The following MEGF11 variants were observed in gnomAD, a reference collection of about 807,000 sequenced individuals.
MEGF11 encodes multiple epidermal growth factor-like domains protein 11.
Under a neutral mutation model 146.6 loss-of-function variants are expected in MEGF11, and 126 were observed. The ratio of observed to expected loss-of-function variants is 0.86; its 90% CI spans 0.74 to 1.00. The LOEUF (loss-of-function observed/expected upper bound fraction) is 1.00, where lower values mean the gene tolerates loss of function less well. Ranked by LOEUF, MEGF11 falls within the 50% of genes least tolerant of loss-of-function variation. The probability of loss-of-function intolerance (pLI) is 0.00; values close to 1 mark genes in which losing one functional copy is unlikely to be tolerated. For synonymous variants in MEGF11, 532 were observed against 583.4 expected, an observed-to-expected ratio of 0.91 and a Z score of 1.27; for missense variants, 1,509 against 1,521.2, an observed-to-expected ratio of 0.99 and a Z score of 0.13.
chr15:65,957,768 A>G, intron 9 of MEGF11, 47 bp from the exon 10 acceptor site: 1 of 1,593,442 alleles, frequency 6.3e-7, no homozygotes, highest in East Asian at 2.2e-5. Flanking sequence ...TCTGGGAAGC[A>G]GCCATGTCCC....
intron 1 of MEGF11, among the ~76,000 whole-genome samples, chr15:66,170,120 C>T (rs544200679): frequency 1.3e-5 from 2 of 152,244 alleles, no homozygotes; most frequent in East Asian, 3.9e-4. Context: ...GACAGAATAA[C>T]CTCTTCTCTA....
At chr15:65,975,393 C>T (rs941735959) in intron 7 of MEGF11, among the ~76,000 whole-genome samples, 20 of 152,290 alleles carry the variant, frequency 1.3e-4, no homozygotes, top group African/African-American at 3.8e-4. Flanking sequence ...TCCGGCATTC[C>T]CTAGGGAAAT....
At chr15:66,097,104 A>G (rs147037715) in intron 4 of MEGF11, among the ~76,000 whole-genome samples, 51 of 152,190 alleles carry the variant, frequency 3.4e-4, no homozygotes, top group African/African-American at 1.1e-3. Flanking sequence ...TCCTTTCCTC[A>G]TCGTCCTGGT....
chr15:65,999,197 A>ATT lies in MEGF11; in HGVS notation c.395-16711_395-16710dup, dbSNP rs557434571. Reference sequence around the variant, plus strand: ...CAGGCACATACCACCATGACCGGCTATTTTTTTTTAATTGTAGAGATGGGG... The same window carrying ATT: ...CAGGCACATACCACCATGACCGGCTATTTTTTTTTTTAATTGTAGAGATGGGG... On this transcript the variant is annotated intron_variant, in intron 5 of 25. Coordinates refer to ENST00000395614, the MANE Select transcript of MEGF11 (RefSeq NM_001385028.1). Among the ~76,000 whole-genome samples the ATT allele has an allele frequency of 1.7e-3, 253 of 150,392 alleles. 1 individual carries two copies. Among genetic ancestry groups the ATT allele is most frequent in the Non-Finnish European group, 3.0e-3 (201 of 67,458 alleles).
chr15:65,908,319 G>A (rs1259164410), intron 23 of MEGF11, among the ~76,000 whole-genome samples: 1 of 152,158 alleles, frequency 6.6e-6, no homozygotes, highest in Non-Finnish European at 1.5e-5. Flanking sequence ...CCAAGGCCCT[G>A]CCCCAGGGTG....
At chr15:66,233,154 A>C (rs1182391529) in intron 1 of MEGF11, among the ~76,000 whole-genome samples, 1 of 152,208 alleles carries the variant, frequency 6.6e-6, no homozygotes, top group Non-Finnish European at 1.5e-5. Flanking sequence ...AGCATAGAGC[A>C]TACTATGTGC....
intron 7 of MEGF11, among the ~76,000 whole-genome samples, chr15:65,975,688 C>T (rs2081422185): frequency 6.6e-6 from 1 of 152,180 alleles, no homozygotes; most frequent in Non-Finnish European, 1.5e-5. Flanking sequence ...TTAATTTTCT[C>T]ATCTATAAAA....
At chr15:66,034,621 TG>T (rs2083656730) in intron 5 of MEGF11, among the ~76,000 whole-genome samples, 1 of 152,124 alleles carries the variant, frequency 6.6e-6, no homozygotes, top group South Asian at 2.1e-4. Flanking sequence ...GGTCTTACCA[TG>T]TTGCCCAGGA....
chr15:66,196,919 TTCTTTAAGGCAGATGTACCTCGTTTATA>T (rs1374706196), intron 1 of MEGF11, among the ~76,000 whole-genome samples: 2 of 152,206 alleles, frequency 1.3e-5, no homozygotes, highest in Non-Finnish European at 2.9e-5. Context: ...ATCTGTAGAA[TTCTTTAAGGCAGATGTACCTCGTTTATA>T]TGAGTGTCTA....
At position 65,895,552 on chromosome 15, in the gene MEGF11, C is replaced by G. The variant is rs2078344528; in HGVS notation, c.*2382G>C. 6.6e-6 allele frequency: 1 copy of G among 152,572 alleles called. No homozygotes were observed. The highest frequency in any genetic ancestry group is 2.1e-4 in the South Asian group (1 of 4,824). The allele number at this position is 152,572 out of a possible 1,614,324, so 9.5% of individuals were successfully genotyped here. Reference sequence around the variant, plus strand: ...GCACAGTATACATGTTTAGGCTGACCATGAACCTATTTGTGATGGTGTTAG... The same window carrying G: ...GCACAGTATACATGTTTAGGCTGACGATGAACCTATTTGTGATGGTGTTAG... On this transcript the variant is annotated 3_prime_UTR_variant, in exon 26 of 26. Coordinates refer to ENST00000395614, the MANE Select transcript of MEGF11 (RefSeq NM_001385028.1).
Position 66,083,037 on chromosome 15 carries a change from T to G in MEGF11, c.394+11365A>C, listed in dbSNP as rs571927286. Reference sequence around the variant, plus strand: ...GTCCTGGGCTACCAGGCTGTGGTGTTGCCATTTTCATGAGAGTGTGTCCAG... The same window carrying G: ...GTCCTGGGCTACCAGGCTGTGGTGTGGCCATTTTCATGAGAGTGTGTCCAG... On this transcript the variant is annotated intron_variant, in intron 5 of 25. Transcript: ENST00000395614. Among the ~76,000 whole-genome samples, 38 of 152,256 alleles carry G rather than the reference T, an allele frequency of 2.5e-4. 1 individual carries two copies. Among genetic ancestry groups the G allele is most frequent in the African/African-American group, 7.0e-4 (29 of 41,528 alleles).
At chr15:65,909,619 T>C in intron 22 of MEGF11, 121 bp downstream of exon 22, 1 of 994,672 alleles carries the variant, frequency 1.0e-6, no homozygotes, top group Non-Finnish European at 1.5e-6. Flanking sequence ...CCAAAATTTC[T>C]CCCTGGGGGA....
rs540300268 is a variant in MEGF11, at chr15:66,010,483, G to A, written c.395-27995C>T. Among the ~76,000 whole-genome samples, 40 of 152,194 alleles carry A rather than the reference G, an allele frequency of 2.6e-4. No homozygotes were observed. In the South Asian group the frequency reaches 5.0e-3, roughly 19 times the overall value. On this transcript the variant is annotated intron_variant, in intron 5 of 25. Coordinates refer to ENST00000395614, the MANE Select transcript of MEGF11 (RefSeq NM_001385028.1). ...GCTGGGATTACAGGCATGACTCACCGCACCCAGCAAAATCTCATAATGTTT... is the reference window on the plus strand; with the variant it reads ...GCTGGGATTACAGGCATGACTCACCACACCCAGCAAAATCTCATAATGTTT...
intron 5 of MEGF11, among the ~76,000 whole-genome samples, chr15:65,992,452 G>GTGTGGGGC (rs1567193595): frequency 0.069 from 1,623 of 23,412 alleles, 42 homozygotes; most frequent in African/African-American, 0.14. Flanking sequence ...TGTGTGTGTG[G>GTGTGGGGC]GGGGGGGGGT....
chr15:66,150,823 CGAGAGAGAGAGAGAGAGAGAGAGA>C (rs66595752), intron 1 of MEGF11, among the ~76,000 whole-genome samples: 13 of 104,348 alleles, frequency 1.2e-4, no homozygotes, highest in East Asian at 5.2e-4. Context: ...AATGCCCTGT[CGAGAGAGAGAGAGAGAGAGAGAGA>C]GAGAGAGAGA....
chr15:66,248,848 T>C (rs1484246278), intron 1 of MEGF11, among the ~76,000 whole-genome samples: 1 of 152,232 alleles, frequency 6.6e-6, no homozygotes, highest in Non-Finnish European at 1.5e-5. Context: ...AGAACAGACA[T>C]GTTAAGCCTG....
Position 65,913,182 on chromosome 15 carries a change from A to G in MEGF11, c.2710+555T>C, listed in dbSNP as rs75656579. On this transcript the variant is annotated intron_variant, in intron 20 of 25. Coordinates refer to ENST00000395614, the MANE Select transcript of MEGF11 (RefSeq NM_001385028.1). ...CCTATTGGAGCTGTTAACCACATTC[A>G]TGGATGCACTGGGCTCTGGCACACT... Among the ~76,000 whole-genome samples, 238 of 152,256 alleles carry G rather than the reference A, an allele frequency of 1.6e-3. 1 individual carries two copies. The highest frequency in any genetic ancestry group is 0.01 in the Middle Eastern group (3 of 294).
chr15:66,020,134 A>C (rs920296195), intron 5 of MEGF11, among the ~76,000 whole-genome samples: 1 of 152,248 alleles, frequency 6.6e-6, no homozygotes, highest in African/African-American at 2.4e-5. Context: ...CACAGGGCCC[A>C]GGCCCCTAGG....
chr15:66,133,229 C>T (rs1260796194), intron 1 of MEGF11, among the ~76,000 whole-genome samples: 1 of 152,228 alleles, frequency 6.6e-6, no homozygotes, highest in Non-Finnish European at 1.5e-5. Flanking sequence ...CCTGGACCAC[C>T]CCATCAGCAC....
Sources: allele counts gnomAD v4.1 joint callset (sites outside exome capture counted in the v4.1 genomes callset), GRCh38; gene constraint gnomAD v4.1.1; transcripts MANE v1.5; gene names NCBI Gene and HGNC (gene_info 2026-07-23, HGNC 2026-07-21).